Variants in TACR3 observed in about 807,000 individuals in gnomAD.
TACR3 encodes neuromedin-K receptor.
Under a neutral mutation model 35.0 loss-of-function variants are expected in TACR3, and 34 were observed. The observed-to-expected ratio is 0.97, with a 90% CI of 0.74 to 1.30. TACR3 has a LOEUF of 1.30. Among genes scored for constraint, TACR3 ranks in the 50% most tolerant of loss-of-function variants. TACR3 has a pLI of 0.00. For missense variants in TACR3, 558 were observed against 591.7 expected, an observed-to-expected ratio of 0.94 and a Z score of 0.59; for synonymous variants, 233 against 221.1, an observed-to-expected ratio of 1.05 and a Z score of -0.48.
chr4:103,591,654 C>T lies in TACR3; in HGVS notation c.918G>A (p.Met306Ile), dbSNP rs201088165. Residue 306 changes from methionine (M) to isoleucine (I), a missense_variant, in exon 4 of 5, where the codon ATG becomes ATA. Transcript: ENST00000304883. ...AGGGCAGCCAGCAGATAGCAAATGT[C>T]ATGACAACAATAATCATCATTTTGA... ...KVVKMMIIVV[M>I]TFAICWLPYH... 8.7e-5 allele frequency: 140 copies of T among 1,613,162 alleles called. No homozygotes were observed. The highest frequency in any genetic ancestry group is 6.7e-4 in the Middle Eastern group (4 of 6,012).
At chr4:103,674,726 A>T (rs1323805861) in intron 1 of TACR3, among the ~76,000 whole-genome samples, 1 of 151,998 alleles carries the variant, frequency 6.6e-6, no homozygotes, top group African/African-American at 2.4e-5. Context: ...TAATTTTTGT[A>T]CTTTTAGTAG....
At chr4:103,656,496 A>T in intron 2 of TACR3, 152 bp from the exon 3 acceptor site, 1 of 746,910 alleles carries the variant, frequency 1.3e-6, no homozygotes, top group Non-Finnish European at 2.2e-6. Flanking sequence ...TCAAAATATC[A>T]TGCTATTGTC....
intron 3 of TACR3, among the ~76,000 whole-genome samples, chr4:103,626,417 G>A (rs1003954963): frequency 4.0e-5 from 6 of 148,312 alleles, no homozygotes; most frequent in East Asian, 3.9e-4. Context: ...TATTATTATT[G>A]TTATTTTTTT....
rs1213731455 is a variant in TACR3 at position 103,589,774 on chromosome 4, A to G, written c.1306T>C (p.Phe436Leu). Residue 436 changes from phenylalanine to leucine, a missense_variant, in exon 5 of 5, where the codon TTC (phenylalanine) becomes CTC (leucine). Coordinates refer to ENST00000304883, the MANE Select transcript of TACR3 (RefSeq NM_001059.3). ...KKRATPRDPS[F>L]NGCSRRNSKS... is the part of the protein sequence containing the mutation. ...GAATTCCTGCGAGAGCAGCCATTGA[A>G]ACTTGGGTCTCTTGGCGTTGCTCTT... 1 of 1,613,870 alleles carries G rather than the reference A, an allele frequency of 6.2e-7. No individual in the cohort carries two copies. The highest frequency in any genetic ancestry group is 8.5e-7 in the Non-Finnish European group (1 of 1,179,906).
intron 1 of TACR3, among the ~76,000 whole-genome samples, chr4:103,701,433 A>G (rs1249194071): frequency 6.6e-6 from 1 of 152,068 alleles, no homozygotes; most frequent in Non-Finnish European, 1.5e-5. Flanking sequence ...TTCCATGCTC[A>G]TGGGTAGGAA....
intron 3 of TACR3, among the ~76,000 whole-genome samples, chr4:103,646,657 G>C (rs1245424390): frequency 6.6e-6 from 1 of 151,850 alleles, no homozygotes; most frequent in Non-Finnish European, 1.5e-5. Flanking sequence ...GATGTATTTT[G>C]TCATTGCCAA....
intron 1 of TACR3, among the ~76,000 whole-genome samples, chr4:103,685,072 C>T (rs1722199113): frequency 6.6e-6 from 1 of 151,294 alleles, no homozygotes; most frequent in Non-Finnish European, 1.5e-5. Flanking sequence ...GGAAAAATAA[C>T]TTTACAAAAG....
chr4:103,657,188 G>T (rs1031046310), intron 2 of TACR3, among the ~76,000 whole-genome samples: 33 of 151,382 alleles, frequency 2.2e-4, no homozygotes, highest in African/African-American at 7.6e-4. Flanking sequence ...TAATTAAAAA[G>T]TTTGTTAGAA....
At chr4:103,681,131 A>G (rs561843301) in intron 1 of TACR3, among the ~76,000 whole-genome samples, 53 of 152,142 alleles carry the variant, frequency 3.5e-4, no homozygotes, top group East Asian at 3.9e-4. Flanking sequence ...AAAATAGGAT[A>G]TTTAAAAAAA....
intron 3 of TACR3, among the ~76,000 whole-genome samples, chr4:103,639,070 C>T (rs1208587322): frequency 6.6e-6 from 1 of 152,068 alleles, no homozygotes; most frequent in East Asian, 1.9e-4. Flanking sequence ...TACCATTTGA[C>T]CCAGCCATCC....
chr4:103,635,771 T>G (rs1228155386), intron 3 of TACR3, among the ~76,000 whole-genome samples: 3 of 117,510 alleles, frequency 2.6e-5, no homozygotes, highest in Admixed American at 7.5e-5. Context: ...GAAGAGAATT[T>G]AGAGGTAGCT....
intron 1 of TACR3, among the ~76,000 whole-genome samples, chr4:103,688,229 C>T (rs1722302344): frequency 6.6e-6 from 1 of 152,096 alleles, no homozygotes; most frequent in Admixed American, 6.5e-5. Context: ...CTTCCTTACA[C>T]CCTATACAAC....
At chr4:103,606,833 C>G (rs1578223987) in intron 3 of TACR3, among the ~76,000 whole-genome samples, 1 of 152,166 alleles carries the variant, frequency 6.6e-6, no homozygotes, top group South Asian at 2.1e-4. Flanking sequence ...GGCCTAATTG[C>G]CCTGTCCAGA....
rs143039935 is a variant in TACR3, at chr4:103,656,946, AAAAACAAAACAAAAC to A, written c.738-617_738-603del. On this transcript the variant is annotated intron_variant, in intron 2 of 4. Coordinates refer to ENST00000304883, the MANE Select transcript of TACR3 (RefSeq NM_001059.3). ...CATTTGATTGCATTGTTAACTTGGT[AAAAACAAAACAAAAC>A]AAAACAAAACAAAAAAACATGTCGA... Among the ~76,000 whole-genome samples, 201 of 150,976 alleles carry A rather than the reference AAAAACAAAACAAAAC, an allele frequency of 1.3e-3. 1 individual carries two copies. In the East Asian group the frequency reaches 0.036, roughly 27 times the overall value.
At chr4:103,623,157 T>C (rs3796980) in intron 3 of TACR3, among the ~76,000 whole-genome samples, 19,896 of 152,068 alleles carry the variant, frequency 0.13, 1,453 homozygotes, top group Middle Eastern at 0.22. Context: ...AATATTGTAT[T>C]ATTTAAATCT....
At chr4:103,666,314 G>A (rs1397688119) in intron 1 of TACR3, among the ~76,000 whole-genome samples, 2 of 152,038 alleles carry the variant, frequency 1.3e-5, no homozygotes, top group Non-Finnish European at 2.9e-5. Context: ...GGTGAAGGTG[G>A]GAATGAGAGA....
chr4:103,709,352 C>A (rs994824055), intron 1 of TACR3, among the ~76,000 whole-genome samples: 1 of 152,174 alleles, frequency 6.6e-6, no homozygotes, highest in African/African-American at 2.4e-5. Context: ...GGCCAATATT[C>A]AACATTCTTA....
chr4:103,701,742 G>A (rs1034898308), intron 1 of TACR3, among the ~76,000 whole-genome samples: 1 of 152,042 alleles, frequency 6.6e-6, no homozygotes, highest in African/African-American at 2.4e-5. Flanking sequence ...CAGAAATAAT[G>A]CCACATATCT....
intron 1 of TACR3, among the ~76,000 whole-genome samples, chr4:103,676,996 A>C (rs1459159464): frequency 6.6e-6 from 1 of 152,196 alleles, no homozygotes; most frequent in African/African-American, 2.4e-5. Flanking sequence ...TCTATAAAGA[A>C]CTTAACAAAT....
Sources: allele counts gnomAD v4.1 joint callset (sites outside exome capture counted in the v4.1 genomes callset), GRCh38; gene constraint gnomAD v4.1.1; transcripts MANE v1.5; gene names NCBI Gene and HGNC (gene_info 2026-07-23, HGNC 2026-07-21).